The following PDCL variants were observed in gnomAD, a reference collection of about 807,000 sequenced individuals.
PDCL encodes the protein phosducin-like protein.
Under a neutral mutation model 26.7 loss-of-function variants are expected in PDCL, and 11 were observed. That is an observed-to-expected ratio of 0.41 (90% confidence interval 0.26 to 0.68). The LOEUF (loss-of-function observed/expected upper bound fraction) is 0.68. PDCL is among the 30% of genes least tolerant of loss of function. PDCL has a pLI of 0.30. For missense variants in PDCL, 330 were observed against 371.6 expected (o/e 0.89, Z 0.92); for synonymous variants, 118 against 134.9 (o/e 0.87, Z 0.87).
chr9:122,824,494 G>A (rs1034825589), intron 2 of PDCL, among the ~76,000 whole-genome samples: 5 of 152,168 alleles, frequency 3.3e-5, no homozygotes, highest in African/African-American at 4.8e-5. Context: ...CATAAGCAGG[G>A]CTGCCATTGA....
chr9:122,826,874 C>T (rs1435632130), intron 1 of PDCL, 82 bp from the exon 2 acceptor site: 2 of 1,279,854 alleles, frequency 1.6e-6, no homozygotes, highest in African/African-American at 3.0e-5. Flanking sequence ...CTCGCCTGTG[C>T]TGAGATCCTA....
chr9:122,821,118 G>A (rs1292188099), intron 3 of PDCL, among the ~76,000 whole-genome samples: 1 of 152,034 alleles, frequency 6.6e-6, no homozygotes, highest in Non-Finnish European at 1.5e-5. Flanking sequence ...CATCGGGAAG[G>A]GACTTTTAAT....
intron 1 of PDCL, 90 bp from the exon 2 acceptor site, chr9:122,826,882 C>T (rs1829636001): frequency 1.7e-6 from 2 of 1,185,930 alleles, no homozygotes; most frequent in African/African-American, 3.0e-5. Flanking sequence ...TGCTGAGATC[C>T]TACAATTTCC....
rs150982787 is a variant in PDCL, at chr9:122,820,758, C to G, written c.355-122G>C. 3.8e-3 allele frequency: 2,729 copies of G among 716,772 alleles called. 63 individuals carry two copies. In the African/African-American group the frequency reaches 0.045, roughly 12 times the overall value. 44.4% of individuals were successfully genotyped at this position (716,772 alleles called of 1,614,324 possible). On this transcript the variant is annotated intron_variant, in intron 3 of 3. Coordinates refer to ENST00000259467, the MANE Select transcript of PDCL (RefSeq NM_005388.5). ...TAGCACTTTGGGAGGCTGAGACGAG[C>G]GGATCACTTGAGGTCAGGAGTTCAA...
intron 1 of PDCL, among the ~76,000 whole-genome samples, chr9:122,828,186 G>A (rs1360024211): frequency 1.3e-5 from 2 of 152,126 alleles, no homozygotes; most frequent in African/African-American, 4.8e-5. Flanking sequence ...CGCTCCTAAA[G>A]GAGGGACCGC....
Position 122,828,473 on chromosome 9 carries a change from G to A in PDCL, c.-8C>T, listed in dbSNP as rs952364554. 3.9e-5 allele frequency: 6 copies of A among 152,398 alleles called. No individual in the cohort carries two copies. Among genetic ancestry groups the A allele is most frequent in the Admixed American group, 3.3e-4 (5 of 15,284 alleles). 9.4% of individuals were successfully genotyped at this position (152,398 alleles called of 1,614,324 possible). On this transcript the variant is annotated splice_region_variant and 5_prime_UTR_variant, in exon 1 of 4. Coordinates refer to ENST00000259467, the MANE Select transcript of PDCL (RefSeq NM_005388.5). ...CCGGTGGACCCCAATGCAGTTACCTGCCCTAGCTCGCTCCGGATCCCTTTG... is the reference window on the plus strand; with the variant it reads ...CCGGTGGACCCCAATGCAGTTACCTACCCTAGCTCGCTCCGGATCCCTTTG...
chr9:122,820,972 T>C (rs1374441439), intron 3 of PDCL, among the ~76,000 whole-genome samples: 1 of 151,876 alleles, frequency 6.6e-6, no homozygotes, highest in African/African-American at 2.4e-5. Context: ...CACTCCAGCC[T>C]GGGAGACAGG....
At position 122,826,118 on chromosome 9, in the gene PDCL, A is replaced by G. The variant is rs578234524; in HGVS notation, c.172+498T>C. ...AAAAACAAAAAAACAAAACAAAACAAAAAAAAGGTGGTGGGGGCGGAAATA... is the reference window on the plus strand; with the variant it reads ...AAAAACAAAAAAACAAAACAAAACAGAAAAAAGGTGGTGGGGGCGGAAATA... On this transcript the variant is annotated intron_variant, in intron 2 of 3. Transcript: ENST00000259467. Among the ~76,000 whole-genome samples, 19 of 152,198 alleles carry G rather than the reference A, an allele frequency of 1.2e-4. No individual in the cohort carries two copies. The South Asian group carries it at 2.9e-3, about 23-fold the overall frequency.
At position 122,820,313 on chromosome 9, in the gene PDCL, A is replaced by C. The variant is rs1026860320; in HGVS notation, c.678T>G (p.Ser226Arg). The C allele has an allele frequency of 6.8e-6, 11 of 1,614,002 alleles. No homozygotes were observed. The highest frequency in any genetic ancestry group is 1.6e-4 in the Middle Eastern group (1 of 6,084). Residue 226 changes from serine to arginine, a missense_variant, in exon 4 of 4, where the codon AGT (serine) becomes AGG (arginine). Transcript: ENST00000259467. Reference sequence around the variant, plus strand: ...CAGGAAGGGCATTCCTGGTGAACTGACTGCTGGCGCCAATAACTGAGCTCT... The same window carrying C: ...CAGGAAGGGCATTCCTGGTGAACTGCCTGCTGGCGCCAATAACTGAGCTCT... ...KVKSSVIGAS[S>R]QFTRNALPAL...
Position 122,820,532 on chromosome 9 carries a change from G to C in PDCL, c.459C>G (p.His153Gln). The change falls in exon 4 of 4, where the codon CAC becomes CAG. Residue 153 changes from histidine (H) to glutamine (Q), a missense_variant. His to Gln is a conservative substitution (Grantham distance 24). Coordinates refer to ENST00000259467, the MANE Select transcript of PDCL (RefSeq NM_005388.5). ...QRMEEMRQQL[H>Q]KGPQFKQVFE... ...AAACCTGCTTGAATTGGGGCCCCTT[G>C]TGAAGCTGCTGCCGCATCTCTTCCA... The C allele has an allele frequency of 6.2e-7, 1 of 1,614,108 alleles. No homozygotes were observed. Among genetic ancestry groups the C allele is most frequent in the Non-Finnish European group, 8.5e-7 (1 of 1,180,016 alleles).
chr9:122,821,165 T>C (rs1588034783), intron 3 of PDCL, among the ~76,000 whole-genome samples: 1 of 152,094 alleles, frequency 6.6e-6, no homozygotes, highest in African/African-American at 2.4e-5. Context: ...AAACTTGACA[T>C]TATTTGAACA....
intron 3 of PDCL, 184 bp from the exon 4 acceptor site, chr9:122,820,820 C>CA: frequency 2.2e-6 from 1 of 452,538 alleles, no homozygotes; most frequent in Non-Finnish European, 3.9e-6. Flanking sequence ...CTCATCTCTC[C>CA]TTAAAAAAAA....
At chr9:122,820,668 T>C (rs570278778) in intron 3 of PDCL, 32 bp from the exon 4 acceptor site, 15 of 1,557,982 alleles carry the variant, frequency 9.6e-6, no homozygotes, top group Admixed American at 7.4e-5. Context: ...AGCATAAATA[T>C]GAAAACTGAA....
chr9:122,823,701 T>C lies in PDCL; in HGVS notation c.173-504A>G, dbSNP rs183721046. ...GCTGTTAACAGTGGTTGTCTCCAGG[T>C]AGTAGGATCTAAGCAACTGGTGAGA... On this transcript the variant is annotated intron_variant, in intron 2 of 3. Transcript: ENST00000259467. Among the ~76,000 whole-genome samples, 190 of 152,290 alleles carry C rather than the reference T, an allele frequency of 1.2e-3. 1 individual carries two copies. The highest frequency in any genetic ancestry group is 0.011 in the Admixed American group (167 of 15,288).
rs536982724 is a variant in PDCL at position 122,826,943 on chromosome 9, C to T, written c.-5-151G>A. On this transcript the variant is annotated intron_variant, in intron 1 of 3. Coordinates refer to ENST00000259467, the MANE Select transcript of PDCL (RefSeq NM_005388.5). ...AACCAAAATCTTAACAAATCCCTAC[C>T]GTTACCCTGTGTGTTAGGGCTTATC... Among the ~76,000 whole-genome samples, 3 of 152,286 alleles carry T rather than the reference C, an allele frequency of 2.0e-5. No homozygotes were observed. In the East Asian group the frequency reaches 5.8e-4, roughly 29 times the overall value.
At chr9:122,825,502 AG>A (rs1829613098) in intron 2 of PDCL, among the ~76,000 whole-genome samples, 1 of 152,198 alleles carries the variant, frequency 6.6e-6, no homozygotes. Flanking sequence ...CCCTTTATAA[AG>A]TAGGGTGAAG....
intron 2 of PDCL, among the ~76,000 whole-genome samples, chr9:122,824,427 G>C (rs1318944380): frequency 6.6e-6 from 1 of 152,186 alleles, no homozygotes; most frequent in African/African-American, 2.4e-5. Context: ...GAGGGACACA[G>C]CCAAACTGAG....
At position 122,820,195 on chromosome 9, in the gene PDCL, C is replaced by A. The variant is rs1485736619; in HGVS notation, c.796G>T (p.Ala266Ser). The stretch of plus-strand genomic sequence containing the variant: ...AGTAATCCAAATTCCTGGAGAAAAG[C>A]TTCAAGGTCCACAGCAAAGAAATCA... ...GDDFFAVDLE[A>S]FLQEFGLLPE... is the part of the protein sequence containing the mutation. Residue 266 changes from alanine to serine, a missense_variant, in exon 4 of 4, where the codon GCT becomes TCT. By Grantham distance (99) the Ala-to-Ser change is moderately conservative. Coordinates refer to ENST00000259467, the MANE Select transcript of PDCL (RefSeq NM_005388.5). 6.2e-7 allele frequency: 1 copy of A among 1,614,204 alleles called. No homozygotes were observed. Among genetic ancestry groups the A allele is most frequent in the South Asian group, 1.1e-5 (1 of 91,082 alleles).
At chr9:122,821,144 A>G (rs1320789833) in intron 3 of PDCL, among the ~76,000 whole-genome samples, 2 of 152,176 alleles carry the variant, frequency 1.3e-5, no homozygotes, top group Non-Finnish European at 2.9e-5. Flanking sequence ...CACTTTATAA[A>G]TGAGGTTCCA....
Sources: allele counts gnomAD v4.1 joint callset (sites outside exome capture counted in the v4.1 genomes callset), GRCh38; gene constraint gnomAD v4.1.1; transcripts MANE v1.5; gene names NCBI Gene and HGNC (gene_info 2026-07-23, HGNC 2026-07-21).